The following TMEM94 variants were observed in gnomAD, a reference collection of about 807,000 sequenced individuals.
TMEM94 encodes ER Mg2+ ATPase.
Under a neutral mutation model 158.6 loss-of-function variants are expected in TMEM94, and 81 were observed. The ratio of observed to expected loss-of-function variants is 0.51; its 90% confidence interval spans 0.43 to 0.61. The LOEUF (loss-of-function observed/expected upper bound fraction) is 0.61. Among genes scored for constraint, TMEM94 ranks in the 20% least tolerant of loss-of-function variants. TMEM94 has a pLI of 0.00. For missense variants in TMEM94, 1,435 were observed against 1,762.0 expected (o/e 0.81, Z 3.32); for synonymous variants, 751 against 730.7 (o/e 1.03, Z -0.45).
intron 1 of TMEM94, among the ~76,000 whole-genome samples, chr17:75,457,141 A>G (rs2049918469): frequency 6.6e-6 from 1 of 152,034 alleles, no homozygotes; most frequent in Non-Finnish European, 1.5e-5. Flanking sequence ...CGACCTAAAT[A>G]AAGACCGTTG....
intron 6 of TMEM94, 93 bp downstream of exon 6, chr17:75,488,227 CG>C (rs1188294917): frequency 1.0e-5 from 13 of 1,263,022 alleles, no homozygotes; most frequent in Non-Finnish European, 1.4e-5. Context: ...GGAAGCTTCC[CG>C]GCCAGCTTAC....
At position 75,499,653 on chromosome 17, in the gene TMEM94, C is replaced by G. The variant is rs1454905319; in HGVS notation, c.*319C>G. The G allele has an allele frequency of 1.9e-5, 6 of 318,944 alleles. No homozygotes were observed. The highest frequency in any genetic ancestry group is 2.9e-5 in the Non-Finnish European group (5 of 171,502). The allele number at this position is 318,944 out of a possible 1,614,324, so 19.8% of individuals were successfully genotyped here. On this transcript the variant is annotated 3_prime_UTR_variant, in exon 32 of 32. Coordinates refer to ENST00000314256, the MANE Select transcript of TMEM94 (RefSeq NM_014738.6). ...TGTGAGCTACCCCCTTTAGGGATCC[C>G]TTGCCCCCTTGGAGATCCCTTGCCC...
chr17:75,478,684 C>A (rs569883047), intron 2 of TMEM94, among the ~76,000 whole-genome samples: 6 of 152,312 alleles, frequency 3.9e-5, no homozygotes, highest in African/African-American at 1.4e-4. Flanking sequence ...CCTGCCTCTC[C>A]CGAGTCAGGA....
chr17:75,458,926 G>A (rs1186756187), intron 1 of TMEM94, among the ~76,000 whole-genome samples: 10 of 151,378 alleles, frequency 6.6e-5, no homozygotes, highest in Non-Finnish European at 1.2e-4. Context: ...GTATTGTGGC[G>A]GGTGCCTGTA....
rs752837538 is a variant in TMEM94 at position 75,488,140 on chromosome 17, T to C, written c.612+6T>C. On this transcript the variant is annotated splice_donor_region_variant and intron_variant, in intron 6 of 31. Coordinates refer to ENST00000314256, the MANE Select transcript of TMEM94 (RefSeq NM_014738.6). Reference sequence around the variant, plus strand: ...CTTCTCTGAGGGGGATCAAGGTAGCTTGAGGCTTTCCTTCTCCCTTGGAAA... The same window carrying C: ...CTTCTCTGAGGGGGATCAAGGTAGCCTGAGGCTTTCCTTCTCCCTTGGAAA... The C allele has an allele frequency of 6.2e-7, 1 of 1,613,940 alleles. No individual in the cohort carries two copies. The highest frequency in any genetic ancestry group is 2.2e-5 in the East Asian group (1 of 44,882).
In TMEM94 at chr17:75,465,655, T is replaced by TATATATATA. The variant is rs9302993; in HGVS notation, c.-106-6145_-106-6144insATATATATA. On this transcript the variant is annotated intron_variant, in intron 1 of 31. Coordinates refer to ENST00000314256, the MANE Select transcript of TMEM94 (RefSeq NM_014738.6). Reference sequence around the variant, plus strand: ...TCTTGTTACTGAGCTATAAGAATTTTTATATATATATATATATATATATAT... The same window carrying TATATATATA: ...TCTTGTTACTGAGCTATAAGAATTTTATATATATATATATATATATATATATATATATAT... Among the ~76,000 whole-genome samples the TATATATATA allele has an allele frequency of 5.1e-5, 5 of 98,840 alleles. 1 individual carries two copies. The highest frequency in any genetic ancestry group is 1.6e-4 in the African/African-American group (3 of 18,856). The allele number at this position is 98,840 out of a possible 152,430, so 64.8% of individuals were successfully genotyped here.
At position 75,472,954 on chromosome 17, in the gene TMEM94, A is replaced by G. The variant is rs1237065153; in HGVS notation, c.24+1025A>G. On this transcript the variant is annotated intron_variant, in intron 2 of 31. Coordinates refer to ENST00000314256, the MANE Select transcript of TMEM94 (RefSeq NM_014738.6). Reference sequence around the variant, plus strand: ...TTTCAGCATTTGTAGTACCTCCACCATTGTACTCGCTATTCTATTGAAATT... The same window carrying G: ...TTTCAGCATTTGTAGTACCTCCACCGTTGTACTCGCTATTCTATTGAAATT... Among the ~76,000 whole-genome samples the G allele has an allele frequency of 3.3e-5, 5 of 152,014 alleles. No homozygotes were observed. In the East Asian group the frequency reaches 9.6e-4, roughly 29 times the overall value.
intron 2 of TMEM94, among the ~76,000 whole-genome samples, chr17:75,479,753 A>T (rs112019419): frequency 0.07 from 10,666 of 152,204 alleles, 479 homozygotes; most frequent in Non-Finnish European, 0.1. Context: ...CCCTGTCTCT[A>T]CTAAAAATAC....
chr17:75,475,718 T>C lies in TMEM94; in HGVS notation c.24+3789T>C, dbSNP rs28523358. The stretch of plus-strand genomic sequence containing the variant: ...GCCTGGGGGATGCAGGGCCTGGGCA[T>C]TCCCGGGCAGCCTCATGGGCCCAGC... On this transcript the variant is annotated intron_variant, in intron 2 of 31. Coordinates refer to ENST00000314256, the MANE Select transcript of TMEM94 (RefSeq NM_014738.6). 3.8e-3 allele frequency among the ~76,000 whole-genome samples: 194 copies of C among 51,676 alleles called. 2 individuals carry two copies. Among genetic ancestry groups the C allele is most frequent in the African/African-American group, 0.024 (191 of 8,012 alleles). 33.9% of individuals were successfully genotyped at this position (51,676 alleles called of 152,430 possible). A position where few individuals can be genotyped will look rare whatever the true frequency, so the allele number is the denominator to read the frequency against.
At chr17:75,466,981 T>C (rs950651347) in intron 1 of TMEM94, among the ~76,000 whole-genome samples, 2 of 151,348 alleles carry the variant, frequency 1.3e-5, no homozygotes, top group Non-Finnish European at 2.9e-5. Context: ...TAAAGGTTTT[T>C]TTTTTTTTTT....
chr17:75,467,581 G>A (rs1324118092), intron 1 of TMEM94, among the ~76,000 whole-genome samples: 2 of 140,832 alleles, frequency 1.4e-5, no homozygotes, highest in East Asian at 2.1e-4. Flanking sequence ...GCCGGACTGC[G>A]GACTGCAGTG....
At position 75,471,832 on chromosome 17, in the gene TMEM94, G is replaced by A. The variant is rs1341418562; in HGVS notation, c.-74G>A. On this transcript the variant is annotated 5_prime_UTR_variant, in exon 2 of 32. Coordinates refer to ENST00000314256, the MANE Select transcript of TMEM94 (RefSeq NM_014738.6). ...GACTGTGACAGACTCACTGGGGTTT[G>A]TACATGCTGGGGAGGAGCCTTCCTT... The A allele has an allele frequency of 2.0e-6, 3 of 1,498,414 alleles. No individual in the cohort carries two copies. In the East Asian group the frequency reaches 6.8e-5, roughly 34 times the overall value. 92.8% of individuals were successfully genotyped at this position (1,498,414 alleles called of 1,614,324 possible).
At chr17:75,463,176 G>GTATATA (rs1377936337) in intron 1 of TMEM94, among the ~76,000 whole-genome samples, 114 of 9,032 alleles carry the variant, frequency 0.013, 25 homozygotes, top group Non-Finnish European at 0.019. Flanking sequence ...GTGTGTGTGT[G>GTATATA]TGTATATATA....
At chr17:75,459,585 C>CA (rs1447426916) in intron 1 of TMEM94, 5 of 152,244 alleles carry the variant, frequency 3.3e-5, no homozygotes, top group African/African-American at 1.2e-4. Context: ...GCTTGAGAAA[C>CA]AGTTTCTATA....
chr17:75,483,130 T>C (rs917546124), intron 2 of TMEM94, among the ~76,000 whole-genome samples: 2 of 152,118 alleles, frequency 1.3e-5, no homozygotes, highest in African/African-American at 4.8e-5. Context: ...ACATCAAGTA[T>C]GTGAACATGA....
At position 75,478,239 on chromosome 17, in the gene TMEM94, G is replaced by T. The variant is rs1260135462; in HGVS notation, c.24+6310G>T. On this transcript the variant is annotated intron_variant, in intron 2 of 31. Coordinates refer to ENST00000314256, the MANE Select transcript of TMEM94 (RefSeq NM_014738.6). ...TCACCGTTTTAGCCGGGATGGTCTC[G>T]ATCTCCTGACCTCGTGATCCGCCCG... 2.9e-5 allele frequency among the ~76,000 whole-genome samples: 4 copies of T among 139,640 alleles called. 1 individual carries two copies. Among genetic ancestry groups the T allele is most frequent in the Non-Finnish European group, 6.1e-5 (4 of 65,270 alleles). 91.6% of individuals were successfully genotyped at this position (139,640 alleles called of 152,430 possible).
At chr17:75,480,787 C>A (rs2051098469) in intron 2 of TMEM94, among the ~76,000 whole-genome samples, 1 of 152,232 alleles carries the variant, frequency 6.6e-6, no homozygotes, top group African/African-American at 2.4e-5. Flanking sequence ...CTCTTTCTCC[C>A]TCCCAGTCTC....
intron 1 of TMEM94, among the ~76,000 whole-genome samples, chr17:75,461,125 GT>G (rs2050052868): frequency 9.8e-6 from 1 of 102,226 alleles, no homozygotes; most frequent in East Asian, 2.9e-4. Context: ...TTGAGACAGA[GT>G]TTTGCTCTAT....
chr17:75,496,173 C>T, intron 23 of TMEM94, 99 bp downstream of exon 23: 2 of 1,546,968 alleles, frequency 1.3e-6, no homozygotes, highest in Admixed American at 1.7e-5. Flanking sequence ...CTATAGCCGA[C>T]CTCGCCCTGG....
Sources: allele counts gnomAD v4.1 joint callset (sites outside exome capture counted in the v4.1 genomes callset), GRCh38; gene constraint gnomAD v4.1.1; transcripts MANE v1.5; gene names NCBI Gene and HGNC (gene_info 2026-07-23, HGNC 2026-07-21).